The following TENM3 variants were observed in gnomAD, a reference collection of about 807,000 sequenced individuals.
TENM3 encodes teneurin transmembrane protein 3.
Under a neutral mutation model 255.1 loss-of-function variants are expected in TENM3, and 63 were observed. That is an observed-to-expected ratio of 0.25 (90% confidence interval 0.20 to 0.30). The LOEUF (loss-of-function observed/expected upper bound fraction) is 0.30. TENM3 is among the 10% of genes least tolerant of loss of function. The pLI is 1.00. For synonymous variants in TENM3, 1,306 were observed against 1,322.3 expected (o/e 0.99, Z 0.27); for missense variants, 2,929 against 3,461.1 (o/e 0.85, Z 3.86).
intron 16 of TENM3, among the ~76,000 whole-genome samples, chr4:182,734,433 G>C (rs112174457): frequency 3.4e-3 from 525 of 152,238 alleles, no homozygotes; most frequent in Non-Finnish European, 5.4e-3. Context: ...TAACTCAAGT[G>C]GCAAAACGCA....
At chr4:182,353,984 T>A (rs938549932) in intron 3 of TENM3, among the ~76,000 whole-genome samples, 5 of 151,862 alleles carry the variant, frequency 3.3e-5, no homozygotes, top group Non-Finnish European at 4.4e-5. Flanking sequence ...AAAAAAAAGT[T>A]ACGATTTAAA....
At chr4:182,378,412 A>G (rs1003356827) in intron 3 of TENM3, among the ~76,000 whole-genome samples, 1 of 152,210 alleles carries the variant, frequency 6.6e-6, no homozygotes, top group African/African-American at 2.4e-5. Context: ...GGCTTCTGTG[A>G]GAGGGGGTAT....
chr4:182,371,658 C>G (rs1242248698), intron 3 of TENM3, among the ~76,000 whole-genome samples: 1 of 152,196 alleles, frequency 6.6e-6, no homozygotes, highest in African/African-American at 2.4e-5. Context: ...CTTCCCACAT[C>G]CTCTAGTCTT....
At chr4:181,764,520 C>A in the TENM3 span, among the ~76,000 whole-genome samples, 3 of 152,140 alleles carry the variant, frequency 2.0e-5, no homozygotes, top group African/African-American at 7.2e-5. Flanking sequence ...CTTTATCTGG[C>A]CATCTTATGG....
chr4:182,410,859 T>A (rs528233385), intron 3 of TENM3, among the ~76,000 whole-genome samples: 138 of 152,372 alleles, frequency 9.1e-4, no homozygotes, highest in Admixed American at 3.9e-3. Context: ...AAATGTGTAT[T>A]CACTCTATTG....
In TENM3 at chr4:182,159,694, A is replaced by G. The variant is rs373630231; in HGVS notation, c.-76+14940A>G. On this transcript the variant is annotated intron_variant, in intron 1 of 2. Transcript: ENST00000512480. ...CATTAGAAGCGCTCAGCTCAAGGGGAACGGGAGCTGAGAGGCTGTTCCAGT... is the reference window on the plus strand; with the variant it reads ...CATTAGAAGCGCTCAGCTCAAGGGGGACGGGAGCTGAGAGGCTGTTCCAGT... Among the ~76,000 whole-genome samples the G allele has an allele frequency of 2.6e-5, 4 of 152,220 alleles. No individual in the cohort carries two copies. The East Asian group carries it at 7.8e-4, about 29-fold the overall frequency.
intron 3 of TENM3, among the ~76,000 whole-genome samples, chr4:182,597,029 G>A (rs1198812280): frequency 6.6e-6 from 1 of 152,128 alleles, no homozygotes; most frequent in African/African-American, 2.4e-5. Context: ...TCCAAGTCTA[G>A]ACCCTGTCCT....
chr4:182,186,303 C>A (rs1209448103), intron 1 of TENM3, among the ~76,000 whole-genome samples: 2 of 151,860 alleles, frequency 1.3e-5, no homozygotes, highest in Non-Finnish European at 2.9e-5. Context: ...TTGATGGGGC[C>A]AAGAGATGAA....
chr4:181,643,973 G>A, the TENM3 span, among the ~76,000 whole-genome samples: 1 of 151,382 alleles, frequency 6.6e-6, no homozygotes, highest in Non-Finnish European at 1.5e-5. Context: ...CTACTTGGGA[G>A]CCTGAGACAG....
chr4:181,699,703 G>A, the TENM3 span, among the ~76,000 whole-genome samples: 2 of 152,092 alleles, frequency 1.3e-5, no homozygotes, highest in Non-Finnish European at 2.9e-5. Flanking sequence ...TCATGTAGAT[G>A]TGATTTTGTT....
chr4:181,790,236 G>C, the TENM3 span, among the ~76,000 whole-genome samples: 149 of 152,270 alleles, frequency 9.8e-4, no homozygotes, highest in Admixed American at 2.5e-3. Flanking sequence ...CTGGCCACAC[G>C]TGGGTTCTGC....
At chr4:181,870,682 T>G in the TENM3 span, among the ~76,000 whole-genome samples, 1 of 152,166 alleles carries the variant, frequency 6.6e-6, no homozygotes, top group African/African-American at 2.4e-5. Context: ...TTTTTGGATG[T>G]TTTCCTTTAA....
chr4:182,393,752 A>G (rs1284116036), intron 3 of TENM3, among the ~76,000 whole-genome samples: 3 of 152,182 alleles, frequency 2.0e-5, no homozygotes, highest in Admixed American at 6.5e-5. Flanking sequence ...TCACCAATCC[A>G]TGAGAGCTGG....
intron 4 of TENM3, among the ~76,000 whole-genome samples, chr4:182,616,857 G>C (rs1749592606): frequency 6.6e-6 from 1 of 152,168 alleles, no homozygotes; most frequent in South Asian, 2.1e-4. Flanking sequence ...ACCCAGCCTT[G>C]AGTAAGAACG....
At chr4:182,244,789 C>T (rs1757534037) in intron 1 of TENM3, among the ~76,000 whole-genome samples, 1 of 152,186 alleles carries the variant, frequency 6.6e-6, no homozygotes, top group Non-Finnish European at 1.5e-5. Context: ...TCCAACTGTC[C>T]AGCTTTCTGA....
chr4:181,654,230 G>GAAA, the TENM3 span, among the ~76,000 whole-genome samples: 2 of 110,558 alleles, frequency 1.8e-5, no homozygotes, highest in South Asian at 2.9e-4. Context: ...CTGCCTTCAG[G>GAAA]AAAAAAAAAA....
At chr4:182,285,489 G>C (rs1760676061) in intron 1 of TENM3, among the ~76,000 whole-genome samples, 1 of 152,126 alleles carries the variant, frequency 6.6e-6, no homozygotes, top group Non-Finnish European at 1.5e-5. Flanking sequence ...CCAGGTTCTT[G>C]CTCTTAAGTT....
the TENM3 span, among the ~76,000 whole-genome samples, chr4:181,599,577 A>G: frequency 6.6e-6 from 1 of 152,208 alleles, no homozygotes; most frequent in African/African-American, 2.4e-5. Flanking sequence ...TTGTATATAC[A>G]AGCAAGAATT....
In TENM3 at chr4:182,773,662, A is replaced by C; in HGVS notation, c.5068+15A>C. On this transcript the variant is annotated intron_variant, in intron 23 of 27. Transcript: ENST00000511685. ...CATGGTTCAAGGTAAACACGAAAGC[A>C]TCATTTTAAACAAGTACCACCAGCA... The C allele has an allele frequency of 2.5e-6, 4 of 1,603,814 alleles. No individual in the cohort carries two copies. Among genetic ancestry groups the C allele is most frequent in the Non-Finnish European group, 3.4e-6 (4 of 1,173,344 alleles).
Sources: allele counts gnomAD v4.1 joint callset (sites outside exome capture counted in the v4.1 genomes callset), GRCh38; gene constraint gnomAD v4.1.1; transcripts MANE v1.5; gene names NCBI Gene and HGNC (gene_info 2026-07-23, HGNC 2026-07-21).